Variants in PDE3B observed in about 807,000 individuals in gnomAD.
The protein encoded by PDE3B is phosphodiesterase 3B, also known as cGMP-inhibited 3',5'-cyclic phosphodiesterase 3B.
PDE3B carries 66 observed loss-of-function variants against 116.8 expected under a neutral mutation model. The ratio of observed to expected loss-of-function variants is 0.56; its 90% CI spans 0.46 to 0.69. PDE3B has a LOEUF of 0.69. Ranked by LOEUF, PDE3B falls within the 30% of genes least tolerant of loss-of-function variation. The probability of loss-of-function intolerance (pLI) is 0.00; values close to 1 mark genes in which losing one functional copy is unlikely to be tolerated. For synonymous variants in PDE3B, 595 were observed against 533.6 expected, an observed-to-expected ratio of 1.12 and a Z score of -1.59; for missense variants, 1,384 against 1,368.1, an observed-to-expected ratio of 1.01 and a Z score of -0.18.
intron 2 of PDE3B, among the ~76,000 whole-genome samples, chr11:14,778,307 G>A (rs1590135872): frequency 6.6e-6 from 1 of 152,216 alleles, no homozygotes; most frequent in East Asian, 1.9e-4. Flanking sequence ...TGACAGCGTT[G>A]AAGAGAGGAG....
chr11:14,672,983 A>G (rs1193344657), intron 1 of PDE3B, among the ~76,000 whole-genome samples: 3 of 151,564 alleles, frequency 2.0e-5, no homozygotes, highest in Non-Finnish European at 4.4e-5. Context: ...TTCCTAAAAG[A>G]TAGACTTTTC....
intron 4 of PDE3B, among the ~76,000 whole-genome samples, chr11:14,791,150 A>C (rs1858374819): frequency 6.6e-6 from 1 of 152,116 alleles, no homozygotes; most frequent in Admixed American, 6.6e-5. Flanking sequence ...CTAGATCTTT[A>C]ATGCGTAGTG....
chr11:14,688,160 C>T (rs1483014181), intron 1 of PDE3B, among the ~76,000 whole-genome samples: 1,220 of 125,802 alleles, frequency 9.7e-3, no homozygotes, highest in Non-Finnish European at 0.014. Flanking sequence ...TCCCTCCATC[C>T]CTCTCTCTCT....
In PDE3B at chr11:14,803,936, C is replaced by T; in HGVS notation, c.1416-8C>T. 2 of 1,503,420 alleles carry T rather than the reference C, an allele frequency of 1.3e-6. No homozygotes were observed. Among genetic ancestry groups the T allele is most frequent in the Middle Eastern group, 1.7e-4 (1 of 5,862 alleles). 93.1% of individuals were successfully genotyped at this position (1,503,420 alleles called of 1,614,324 possible). A position where few individuals can be genotyped will look rare whatever the true frequency, so the allele number is the denominator to read the frequency against. ...TAAAAATTTTAACCTGTTATTTTTC[C>T]CTTTTAGTCAAGGATGCTATCTAAA... On this transcript the variant is annotated splice_polypyrimidine_tract_variant and splice_region_variant and intron_variant, in intron 4 of 15. Coordinates refer to ENST00000282096, the MANE Select transcript of PDE3B (RefSeq NM_000922.4).
chr11:14,658,679 C>CTA (rs1853793971), intron 1 of PDE3B, among the ~76,000 whole-genome samples: 3 of 152,184 alleles, frequency 2.0e-5, no homozygotes, highest in Non-Finnish European at 4.4e-5. Context: ...ACTATAGTGT[C>CTA]TATATAGTTG....
intron 1 of PDE3B, among the ~76,000 whole-genome samples, chr11:14,686,375 A>G (rs1461041176): frequency 1.3e-5 from 2 of 152,210 alleles, no homozygotes; most frequent in Non-Finnish European, 2.9e-5. Context: ...TACAAGTTAT[A>G]TAATTTTTAG....
chr11:14,885,878 G>A, the PDE3B span: 11 of 1,613,504 alleles, frequency 6.8e-6, no homozygotes, highest in South Asian at 1.2e-4. Flanking sequence ...TAGCCATTTA[G>A]AACCACAGTT....
At chr11:14,724,307 T>C (rs1169943706) in intron 1 of PDE3B, among the ~76,000 whole-genome samples, 3 of 152,112 alleles carry the variant, frequency 2.0e-5, no homozygotes, top group African/African-American at 7.2e-5. Context: ...TACAGAACAT[T>C]AATAGGAAGG....
At chr11:14,682,899 T>C (rs1854754760) in intron 1 of PDE3B, among the ~76,000 whole-genome samples, 1 of 151,952 alleles carries the variant, frequency 6.6e-6, no homozygotes, top group African/African-American at 2.4e-5. Flanking sequence ...GTTTTATTTC[T>C]TCTTTTTTAA....
Position 14,845,807 on chromosome 11 carries a change from C to G in PDE3B, c.2520+1781C>G, listed in dbSNP as rs1847586988. Among the ~76,000 whole-genome samples the G allele has an allele frequency of 2.0e-5, 3 of 152,028 alleles. No individual in the cohort carries two copies. In the South Asian group the frequency reaches 6.2e-4, roughly 32 times the overall value. ...TTAGAGAACAAAGAATAAAAAGAAA[C>G]AAACAAAGCCTCCAAGAAATATGGG... On this transcript the variant is annotated intron_variant, in intron 12 of 15. Transcript: ENST00000282096.
chr11:14,822,208 C>T lies in PDE3B; in HGVS notation c.1807+2999C>T, dbSNP rs1312992583. On this transcript the variant is annotated intron_variant, in intron 7 of 15. Coordinates refer to ENST00000282096, the MANE Select transcript of PDE3B (RefSeq NM_000922.4). ...ATGAGCTGTTATGCCTGGCCAAGAT[C>T]TCTTTTTACAAAAAAACAAACAAAA... is the stretch of plus-strand genomic sequence containing the variant. 5.3e-5 allele frequency among the ~76,000 whole-genome samples: 8 copies of T among 152,112 alleles called. No homozygotes were observed. In the East Asian group the frequency reaches 1.3e-3, roughly 26 times the overall value.
At chr11:14,833,101 G>A (rs949127237) in intron 10 of PDE3B, among the ~76,000 whole-genome samples, 1 of 151,804 alleles carries the variant, frequency 6.6e-6, no homozygotes, top group East Asian at 1.9e-4. Context: ...ACAGGTGCCC[G>A]CCACCACACC....
intron 1 of PDE3B, among the ~76,000 whole-genome samples, chr11:14,732,973 A>G (rs113030189): frequency 6.6e-6 from 1 of 152,206 alleles, no homozygotes; most frequent in Non-Finnish European, 1.5e-5. Context: ...TGAGATTGCT[A>G]TTTTAATTTT....
the PDE3B span, among the ~76,000 whole-genome samples, chr11:14,879,647 CTA>C: frequency 6.6e-6 from 1 of 151,972 alleles, no homozygotes; most frequent in African/African-American, 2.4e-5. Context: ...CTCTGATAAC[CTA>C]TAACAAGCCA....
At chr11:14,703,620 T>C (rs933016277) in intron 1 of PDE3B, among the ~76,000 whole-genome samples, 4 of 151,796 alleles carry the variant, frequency 2.6e-5, no homozygotes, top group African/African-American at 9.7e-5. Flanking sequence ...GTAACATTTG[T>C]CTGCATTTGG....
At chr11:14,662,638 G>A (rs975720237) in intron 1 of PDE3B, among the ~76,000 whole-genome samples, 42 of 152,206 alleles carry the variant, frequency 2.8e-4, no homozygotes, top group African/African-American at 1.0e-3. Context: ...TGAAAGCCAA[G>A]GCTCGAGAAC....
intron 1 of PDE3B, among the ~76,000 whole-genome samples, chr11:14,646,566 T>C (rs927166157): frequency 6.6e-6 from 1 of 152,232 alleles, no homozygotes; most frequent in Non-Finnish European, 1.5e-5. Flanking sequence ...TAATTGAATT[T>C]TGACCAAATG....
chr11:14,680,169 G>A (rs544249693), intron 1 of PDE3B, among the ~76,000 whole-genome samples: 1 of 152,244 alleles, frequency 6.6e-6, no homozygotes, highest in South Asian at 2.1e-4. Flanking sequence ...CAACCTCTCT[G>A]AAGGGAACAC....
At chr11:14,730,670 A>C (rs969450893) in intron 1 of PDE3B, among the ~76,000 whole-genome samples, 1 of 152,236 alleles carries the variant, frequency 6.6e-6, no homozygotes, top group Non-Finnish European at 1.5e-5. Context: ...TAATAGTGCT[A>C]TTTGAGCATT....
Sources: gnomAD v4.1 joint callset for allele counts (sites outside exome capture counted in the v4.1 genomes callset) on GRCh38, gnomAD v4.1.1 for gene constraint, MANE v1.5 for transcripts, NCBI Gene and HGNC (gene_info 2026-07-23, HGNC 2026-07-21) for gene names.